PLEKHA5: variants seen among roughly 807,000 people sequenced by gnomAD.
The protein encoded by PLEKHA5 is pleckstrin homology domain-containing family A member 5.
Under a neutral mutation model 181.9 loss-of-function variants are expected in PLEKHA5, and 55 were observed. The observed-to-expected ratio is 0.30, with a 90% confidence interval of 0.24 to 0.38. The LOEUF (loss-of-function observed/expected upper bound fraction) is 0.38. PLEKHA5 is among the 10% of genes least tolerant of loss of function. The probability of loss-of-function intolerance (pLI) is 1.00; values close to 1 mark genes in which losing one functional copy is unlikely to be tolerated. For synonymous variants in PLEKHA5, 535 were observed against 529.4 expected (o/e 1.01, Z -0.15); for missense variants, 1,432 against 1,549.5 (o/e 0.92, Z 1.27).
chr12:19,302,906 ATTTTTTTTTTTTTTT>A (rs34702332), intron 15 of PLEKHA5, among the ~76,000 whole-genome samples: 45 of 54,000 alleles, frequency 8.3e-4, no homozygotes, highest in African/African-American at 2.9e-3. Context: ...TCTGTATGAA[ATTTTTTTTTTTTTTT>A]TTTTTTTTTT....
chr12:19,152,305 A>C (rs2040601908), intron 3 of PLEKHA5: 1 of 152,232 alleles, frequency 6.6e-6, no homozygotes, highest in Non-Finnish European at 1.5e-5. Flanking sequence ...AAAGTTGCCT[A>C]ATAGGCAACA....
chr12:19,231,345 G>A (rs2060507855), intron 3 of PLEKHA5, among the ~76,000 whole-genome samples: 1 of 151,830 alleles, frequency 6.6e-6, no homozygotes, highest in African/African-American at 2.4e-5. Flanking sequence ...AAACGAGTTA[G>A]ATTTTATTTC....
In PLEKHA5 at chr12:19,257,446, C is replaced by CA; in HGVS notation, c.453dup (p.Val152SerfsTer3). 4.4e-6 allele frequency: 7 copies of CA among 1,579,678 alleles called. No homozygotes were observed. The highest frequency in any genetic ancestry group is 1.1e-5 in the South Asian group (1 of 88,834). On this transcript the variant is annotated frameshift_variant, in exon 6 of 32. Transcript: ENST00000429027. LOFTEE classifies it high-confidence loss of function. ...TTTTCTATTTAGACTTCACGAGCTT[C>CA]AAAAAAAGTTCATAATTTTGGAAAG...
chr12:19,332,814 C>T (rs1440862574), intron 20 of PLEKHA5, among the ~76,000 whole-genome samples: 1 of 152,150 alleles, frequency 6.6e-6, no homozygotes, highest in Non-Finnish European at 1.5e-5. Flanking sequence ...CATGCGCCAC[C>T]ATACCTAATT....
chr12:19,320,753 T>G, intron 18 of PLEKHA5, 129 bp downstream of exon 18: 8 of 515,818 alleles, frequency 1.6e-5, no homozygotes, highest in African/African-American at 1.2e-4. Context: ...AATTCATATT[T>G]TATGTGTGTG....
intron 3 of PLEKHA5, among the ~76,000 whole-genome samples, chr12:19,171,604 C>G (rs771462639): frequency 6.6e-6 from 1 of 152,088 alleles, no homozygotes; most frequent in African/African-American, 2.4e-5. Flanking sequence ...AATAATCAGC[C>G]CACCTTAGCC....
intron 16 of PLEKHA5, 38 bp from the exon 17 acceptor site, chr12:19,319,983 T>C: frequency 7.6e-7 from 1 of 1,308,556 alleles, no homozygotes; most frequent in Non-Finnish European, 1.0e-6. Context: ...TTTTCCTCTT[T>C]TCAATTAAAC....
At chr12:19,184,835 G>A (rs988995002) in intron 3 of PLEKHA5, among the ~76,000 whole-genome samples, 9 of 152,154 alleles carry the variant, frequency 5.9e-5, no homozygotes, top group African/African-American at 2.2e-4. Context: ...AGAAAAAGAG[G>A]AGAGGACACT....
chr12:19,274,647 A>G lies in PLEKHA5; in HGVS notation c.977A>G (p.Lys326Arg). 2 of 1,613,624 alleles carry G rather than the reference A, an allele frequency of 1.2e-6. No homozygotes were observed. The highest frequency in any genetic ancestry group is 1.7e-5 in the Admixed American group (1 of 60,028). Residue 326 changes from lysine (K) to arginine (R), a missense_variant, in exon 11 of 32, where the codon AAG (lysine) becomes AGG (arginine). This residue lies in a region of PLEKHA5 where 1,143 missense variants were observed against 1,168.4 expected (regional missense o/e 0.98). Coordinates refer to ENST00000429027, the MANE Select transcript of PLEKHA5 (RefSeq NM_001256470.2). Reference sequence around the variant, plus strand: ...GAAATGAGCAAAATTGAAGAAAAAAAGGCATTAGAAGCTGAAAAATATGGA... The same window carrying G: ...GAAATGAGCAAAATTGAAGAAAAAAGGGCATTAGAAGCTGAAAAATATGGA... ...NKEMSKIEEK[K>R]ALEAEKYGFQ...
intron 3 of PLEKHA5, chr12:19,151,843 A>G (rs1375622461): frequency 6.9e-6 from 1 of 144,992 alleles, no homozygotes; most frequent in Non-Finnish European, 1.5e-5. Context: ...TCAGGTTAGC[A>G]TTTTCTATTT....
chr12:19,361,780 A>T, intron 29 of PLEKHA5, 74 bp downstream of exon 29: 3 of 1,297,328 alleles, frequency 2.3e-6, no homozygotes, highest in Non-Finnish European at 2.2e-6. Context: ...CTTCAGAGTC[A>T]AAAGTACTGG....
intron 15 of PLEKHA5, among the ~76,000 whole-genome samples, chr12:19,302,900 T>C (rs571745261): frequency 2.1e-5 from 3 of 144,338 alleles, no homozygotes; most frequent in South Asian, 4.5e-4. Context: ...CACTGTTCTG[T>C]ATGAAATTTT....
At chr12:19,200,546 CCT>C in intron 3 of PLEKHA5, 1 of 1,303,736 alleles carries the variant, frequency 7.7e-7, no homozygotes, top group Non-Finnish European at 9.8e-7. Flanking sequence ...TTGTCTCACT[CCT>C]CTTTTCCTCA....
intron 3 of PLEKHA5, chr12:19,207,615 A>G (rs945652801): frequency 5.3e-5 from 8 of 152,178 alleles, no homozygotes; most frequent in Non-Finnish European, 1.2e-4. Context: ...GGAATAATAG[A>G]CCATAAAGGA....
At chr12:19,143,880 CTT>C (rs766650916) in intron 3 of PLEKHA5, among the ~76,000 whole-genome samples, 5 of 151,914 alleles carry the variant, frequency 3.3e-5, no homozygotes, top group Non-Finnish European at 7.4e-5. Flanking sequence ...TTCCAGGTAA[CTT>C]TGTTGTTTGT....
At chr12:19,242,068 C>T (rs1446918989) in intron 3 of PLEKHA5, among the ~76,000 whole-genome samples, 1 of 152,026 alleles carries the variant, frequency 6.6e-6, no homozygotes, top group Non-Finnish European at 1.5e-5. Flanking sequence ...AGCACTTTTG[C>T]TTTTAATTTA....
At chr12:19,230,182 T>C (rs2060282524) in intron 3 of PLEKHA5, among the ~76,000 whole-genome samples, 1 of 152,130 alleles carries the variant, frequency 6.6e-6, no homozygotes, top group African/African-American at 2.4e-5. Context: ...AGAGTGCTGA[T>C]TGGTACATTT....
chr12:19,240,964 G>C (rs2062461645), intron 3 of PLEKHA5, among the ~76,000 whole-genome samples: 1 of 151,994 alleles, frequency 6.6e-6, no homozygotes, highest in South Asian at 2.1e-4. Context: ...TTTTTATTCT[G>C]TTATGTGGCT....
Position 19,172,922 on chromosome 12 carries a change from C to A in PLEKHA5, c.227+40472C>A, listed in dbSNP as rs143220425. Among the ~76,000 whole-genome samples the A allele has an allele frequency of 4.5e-3, 601 of 134,042 alleles. 3 individuals are homozygous for A. The highest frequency in any genetic ancestry group is 7.3e-3 in the Non-Finnish European group (476 of 65,076). The allele number at this position is 134,042 out of a possible 152,430, so 87.9% of individuals were successfully genotyped here. ...GGTGGTGATCATTCTCCTCGTGTCT[C>A]GGGTATGTTTTGCATCTGAGCAATA... On this transcript the variant is annotated intron_variant, in intron 3 of 31. Transcript: ENST00000429027.
Sources: allele counts gnomAD v4.1 joint callset (sites outside exome capture counted in the v4.1 genomes callset), GRCh38; gene constraint gnomAD v4.1.1; regional missense constraint gnomAD v4.1.1; transcripts MANE v1.5; gene names NCBI Gene and HGNC (gene_info 2026-07-23, HGNC 2026-07-21).